The following SLC12A3 variants were observed in gnomAD, a reference collection of about 807,000 sequenced individuals.
SLC12A3 encodes the protein Na-Cl cotransporter.
In SLC12A3, 104 loss-of-function variants were observed where a neutral mutation model predicts 121.0. The ratio of observed to expected loss-of-function variants is 0.86; its 90% confidence interval spans 0.73 to 1.01. SLC12A3 has a LOEUF of 1.01. Among genes scored for constraint, SLC12A3 ranks in the 50% least tolerant of loss-of-function variants. SLC12A3 has a pLI of 0.00. For missense variants in SLC12A3, 1,328 were observed against 1,356.3 expected, an observed-to-expected ratio of 0.98 and a Z score of 0.33; for synonymous variants, 536 against 533.4, an observed-to-expected ratio of 1.00 and a Z score of -0.07.
At chr16:56,903,934 G>C (rs2055572278) in intron 24 of SLC12A3, among the ~76,000 whole-genome samples, 2 of 152,236 alleles carry the variant, frequency 1.3e-5, no homozygotes, top group South Asian at 4.1e-4. Context: ...AGTATTTTTA[G>C]TGTACCAGGC....
chr16:56,875,539 C>T (rs2055154735), intron 8 of SLC12A3, among the ~76,000 whole-genome samples: 1 of 152,152 alleles, frequency 6.6e-6, no homozygotes, highest in Non-Finnish European at 1.5e-5. Context: ...GTTTCTAAAA[C>T]AGAGAGGCCT....
chr16:56,898,253 G>GTTTTGTTTT (rs1567444598), intron 22 of SLC12A3, among the ~76,000 whole-genome samples: 2 of 151,442 alleles, frequency 1.3e-5, no homozygotes, highest in Admixed American at 6.6e-5. Flanking sequence ...AGTTTGATTT[G>GTTTTGTTTT]GTTTTGTTTT....
At chr16:56,871,205 G>A (rs2055092192) in intron 6 of SLC12A3, among the ~76,000 whole-genome samples, 1 of 152,184 alleles carries the variant, frequency 6.6e-6, no homozygotes, top group African/African-American at 2.4e-5. Flanking sequence ...AGGGGGCCGG[G>A]CACCCAGACT....
intron 19 of SLC12A3, 46 bp from the exon 20 acceptor site, chr16:56,892,037 C>T (rs1444146358): frequency 1.3e-5 from 19 of 1,481,150 alleles, no homozygotes; most frequent in Admixed American, 1.7e-5. Context: ...CCACGGTGCC[C>T]TCAGACAAGG....
chr16:56,900,519 T>TTTATTTATTTATTTATTTA (rs2055523493), intron 23 of SLC12A3, among the ~76,000 whole-genome samples: 13 of 148,548 alleles, frequency 8.8e-5, no homozygotes, highest in Non-Finnish European at 1.6e-4. Context: ...AGCATCTGAT[T>TTTATTTATTTATTTATTTA]TTTATTTATT....
intron 25 of SLC12A3, among the ~76,000 whole-genome samples, chr16:56,906,185 T>C (rs1167845120): frequency 6.6e-6 from 1 of 152,210 alleles, no homozygotes; most frequent in African/African-American, 2.4e-5. Context: ...ACTCAAACTA[T>C]TTTCCCCCTA....
chr16:56,869,528 A>G (rs2055059301), intron 3 of SLC12A3, among the ~76,000 whole-genome samples: 1 of 152,120 alleles, frequency 6.6e-6, no homozygotes, highest in Non-Finnish European at 1.5e-5. Context: ...GGGTTTCACC[A>G]TGTTGGCCAG....
chr16:56,891,914 G>A (rs931152933), intron 19 of SLC12A3, among the ~76,000 whole-genome samples, 169 bp from the exon 20 acceptor site: 2 of 152,186 alleles, frequency 1.3e-5, no homozygotes, highest in African/African-American at 4.8e-5. Flanking sequence ...GTGAGGAGCC[G>A]GGCAGGAGGC....
intron 19 of SLC12A3, among the ~76,000 whole-genome samples, chr16:56,890,621 G>A (rs183063392): frequency 4.6e-5 from 7 of 152,270 alleles, no homozygotes; most frequent in African/African-American, 9.6e-5. Context: ...AATATAGGCC[G>A]GACATGGTGG....
Position 56,872,792 on chromosome 16 carries a change from C to A in SLC12A3, c.1095+6C>A, listed in dbSNP as rs2055116830. 2.5e-6 allele frequency: 4 copies of A among 1,614,156 alleles called. No individual in the cohort carries two copies. The highest frequency in any genetic ancestry group is 2.2e-5 in the East Asian group (1 of 44,890). On this transcript the variant is annotated splice_donor_region_variant and intron_variant, in intron 8 of 25. Transcript: ENST00000563236. The stretch of plus-strand genomic sequence containing the variant: ...ACATATCTGGTGACCTCAAGGTGAG[C>A]AGAATACTTGCCCCTCCTGTGTCCT...
rs775565723 is a variant in SLC12A3, at chr16:56,867,188, T to C, written c.401T>C (p.Val134Ala). The stretch of plus-strand genomic sequence containing the variant: ...AGCGAGAAGAACCCCGAGGAGCCAG[T>C]GCGCTTCGGCTGGGTCAAGGGGGTG... ...TSSEKNPEEP[V>A]RFGWVKGVMI... is the part of the protein sequence containing the mutation. The change falls in exon 2 of 26, where the codon GTG (valine) becomes GCG (alanine). Residue 134 changes from valine (V) to alanine (A), a missense_variant. Val to Ala is a moderately conservative substitution (Grantham distance 64). Transcript: ENST00000563236. 5.6e-6 allele frequency: 9 copies of C among 1,612,908 alleles called. No homozygotes were observed. Among genetic ancestry groups the C allele is most frequent in the Admixed American group, 5.0e-5 (3 of 59,738 alleles).
chr16:56,911,958 G>A (rs1596963008), intron 25 of SLC12A3, among the ~76,000 whole-genome samples: 1 of 152,238 alleles, frequency 6.6e-6, no homozygotes, highest in South Asian at 2.1e-4. Context: ...GGAGGTTTTT[G>A]TGTTCTTGCT....
In SLC12A3 at chr16:56,886,941, TC is replaced by T; in HGVS notation, c.2038-9del. On this transcript the variant is annotated splice_polypyrimidine_tract_variant and intron_variant, in intron 16 of 25. Transcript: ENST00000563236. Reference sequence around the variant, plus strand: ...GGCAGCTGGTGATGTCCCCTGCCCCTCCCACCCACAGGGACCCCACAAGCAG... The same window carrying T: ...GGCAGCTGGTGATGTCCCCTGCCCCTCCACCCACAGGGACCCCACAAGCAG... 6.6e-7 allele frequency: 1 copy of T among 1,504,056 alleles called. No homozygotes were observed. The highest frequency in any genetic ancestry group is 9.1e-7 in the Non-Finnish European group (1 of 1,096,962). 93.2% of individuals were successfully genotyped at this position (1,504,056 alleles called of 1,614,324 possible).
chr16:56,901,062 TC>T (rs1274715671), intron 23 of SLC12A3, among the ~76,000 whole-genome samples: 1 of 152,112 alleles, frequency 6.6e-6, no homozygotes, highest in Non-Finnish European at 1.5e-5. Context: ...GTCCTCTCTC[TC>T]TCTACCTTTC....
At chr16:56,911,203 C>G (rs1041684579) in intron 25 of SLC12A3, among the ~76,000 whole-genome samples, 2 of 152,240 alleles carry the variant, frequency 1.3e-5, no homozygotes, top group African/African-American at 4.8e-5. Flanking sequence ...GCTCAGTACT[C>G]CTATGTCCCT....
intron 3 of SLC12A3, among the ~76,000 whole-genome samples, chr16:56,868,704 T>C (rs562192873): frequency 6.6e-6 from 1 of 152,228 alleles, no homozygotes; most frequent in South Asian, 2.1e-4. Context: ...GGCTCACGCT[T>C]TGGGAGGCTG....
In SLC12A3 at chr16:56,870,255, C is replaced by A. The variant is rs766016341; in HGVS notation, c.741+20C>A. On this transcript the variant is annotated intron_variant, in intron 5 of 25. Transcript: ENST00000563236. ...CTCCAGGTGAGGCCGGGGGGCTGGA[C>A]CCTGGGTAGAGGGATCCGGGCAGCC... 1.2e-6 allele frequency: 2 copies of A among 1,610,288 alleles called. No individual in the cohort carries two copies. Among genetic ancestry groups the A allele is most frequent in the East Asian group, 4.5e-5 (2 of 44,862 alleles).
At position 56,879,568 on chromosome 16, in the gene SLC12A3, G is replaced by A. The variant is rs372425406; in HGVS notation, c.1362G>A (p.Ala454=). Residue 454 remains alanine (A), a synonymous_variant, in exon 11 of 26, where the codon GCG becomes GCA. Transcript: ENST00000563236. The part of the protein sequence containing the change: ...YQTMSMVSGF[A]PLITAGIFGA... ...CCATGAGCATGGTGTCAGGCTTCGC[G>A]CCCCTGATCACGGCTGGCATCTTCG... 9.9e-6 allele frequency: 16 copies of A among 1,613,614 alleles called. No individual in the cohort carries two copies. The highest frequency in any genetic ancestry group is 4.5e-5 in the East Asian group (2 of 44,880).
Position 56,869,782 on chromosome 16 carries a change from C to T in SLC12A3, c.559C>T (p.Leu187Phe). ...LSVTVTSITG[L>F]SISAISTNGK... ...GGTCACGGTGACCTCCATCACAGGC[C>T]TCTCCATCTCAGCCATCTCCACCAA... is the stretch of plus-strand genomic sequence containing the variant. Residue 187 changes from leucine to phenylalanine, a missense_variant, in exon 4 of 26, where the codon CTC becomes TTC. Physicochemically the swap from Leu to Phe is conservative, Grantham distance 22. Transcript: ENST00000563236. 1 of 1,614,146 alleles carries T rather than the reference C, an allele frequency of 6.2e-7. No individual in the cohort carries two copies. The highest frequency in any genetic ancestry group is 8.5e-7 in the Non-Finnish European group (1 of 1,180,016).
Sources: gnomAD v4.1 joint callset for allele counts (sites outside exome capture counted in the v4.1 genomes callset) on GRCh38, gnomAD v4.1.1 for gene constraint, MANE v1.5 for transcripts, NCBI Gene and HGNC (gene_info 2026-07-23, HGNC 2026-07-21) for gene names.